PRPF4: variants seen among roughly 807,000 people sequenced by gnomAD.
PRPF4 encodes U4/U6 small nuclear ribonucleoprotein Prp4.
PRPF4 carries 14 observed loss-of-function variants against 72.2 expected under a neutral mutation model. That is an observed-to-expected ratio of 0.19 (90% CI 0.13 to 0.30). The LOEUF is 0.30. PRPF4 is among the 10% of genes least tolerant of loss of function. The probability of loss-of-function intolerance (pLI) is 1.00; values close to 1 mark genes in which losing one functional copy is unlikely to be tolerated. For synonymous variants in PRPF4, 225 were observed against 232.2 expected, an observed-to-expected ratio of 0.97 and a Z score of 0.28; for missense variants, 478 against 653.9, an observed-to-expected ratio of 0.73 and a Z score of 2.93.
At position 113,291,888 on chromosome 9, in the gene PRPF4, T is replaced by A. The variant is rs80045325; in HGVS notation, c.*228T>A. 1 of 483,392 alleles carries A rather than the reference T, an allele frequency of 2.1e-6. No individual in the cohort carries two copies. Among genetic ancestry groups the A allele is most frequent in the East Asian group, 3.7e-5 (1 of 26,884 alleles). 29.9% of individuals were successfully genotyped at this position (483,392 alleles called of 1,614,324 possible). ...GAAAATTTATTACCTTTTTACGCCC[T>A]GCCACGAACTGTGTAGACATTGTTT... On this transcript the variant is annotated 3_prime_UTR_variant, in exon 14 of 14. Coordinates refer to ENST00000374198, the MANE Select transcript of PRPF4 (RefSeq NM_001244926.2).
chr9:113,283,096 C>T (rs773645094), intron 4 of PRPF4, 36 bp from the exon 5 acceptor site: 55 of 1,613,836 alleles, frequency 3.4e-5, no homozygotes, highest in Middle Eastern at 1.6e-4. Flanking sequence ...TAGAATGCTT[C>T]AGATTTGACC....
At chr9:113,285,430 G>C (rs769809746) in intron 7 of PRPF4, among the ~76,000 whole-genome samples, 2 of 129,486 alleles carry the variant, frequency 1.5e-5, no homozygotes, top group Non-Finnish European at 3.1e-5. Context: ...CCAGGCTGGA[G>C]TGCAGTGGCG....
At chr9:113,289,845 T>C (rs1299907874) in intron 10 of PRPF4, among the ~76,000 whole-genome samples, 1 of 152,178 alleles carries the variant, frequency 6.6e-6, no homozygotes, top group Non-Finnish European at 1.5e-5. Context: ...AAATGCTTGA[T>C]GAATGAAAGA....
intron 4 of PRPF4, 50 bp downstream of exon 4, chr9:113,282,783 A>C (rs750790507): frequency 1.1e-5 from 16 of 1,414,076 alleles, no homozygotes; most frequent in Non-Finnish European, 1.6e-5. Context: ...AAATGAGGGG[A>C]TAGGTCTCTC....
chr9:113,285,440 G>A (rs990229409), intron 7 of PRPF4, among the ~76,000 whole-genome samples: 1 of 127,622 alleles, frequency 7.8e-6, no homozygotes, highest in Non-Finnish European at 1.6e-5. Flanking sequence ...GTGCAGTGGC[G>A]CGATCTCGGC....
At chr9:113,279,274 C>T in intron 3 of PRPF4, 143 bp downstream of exon 3, 1 of 760,722 alleles carries the variant, frequency 1.3e-6, no homozygotes, top group Non-Finnish European at 2.1e-6. Context: ...TGAGTTAGCC[C>T]ATAATCTGTC....
Position 113,290,954 on chromosome 9 carries a change from A to C in PRPF4, c.1310A>C (p.Gln437Pro). ...ACCTGCAAAGTGTGGGACCTCCGACAGCGGCGTTGCGTCTACACCATCCCT... is the reference window on the plus strand; with the variant it reads ...ACCTGCAAAGTGTGGGACCTCCGACCGCGGCGTTGCGTCTACACCATCCCT... ...DNTCKVWDLR[Q>P]RRCVYTIPAH... Residue 437 changes from glutamine (Q) to proline (P), a missense_variant, in exon 13 of 14, where the codon CAG becomes CCG. Physicochemically the swap from Gln to Pro is moderately conservative, Grantham distance 76. Coordinates refer to ENST00000374198, the MANE Select transcript of PRPF4 (RefSeq NM_001244926.2). 6.2e-7 allele frequency: 1 copy of C among 1,614,190 alleles called. No homozygotes were observed.
chr9:113,275,912 C>T (rs1436589990), intron 1 of PRPF4, 142 bp downstream of exon 1: 4 of 1,116,548 alleles, frequency 3.6e-6, no homozygotes, highest in Middle Eastern at 2.6e-4. Context: ...GTGTCCTACA[C>T]AGCGGACCAC....
chr9:113,286,806 G>A lies in PRPF4; in HGVS notation c.910G>A (p.Val304Met), dbSNP rs1247705511. ...GGCCTCTTGTGCGGCTGATGGCTCT[G>A]TGAAGCTTTGGAGTCTCGACAGGTG... The part of the protein sequence containing the change: ...NLASCAADGS[V>M]KLWSLDSDEP... The change falls in exon 9 of 14, where the codon GTG becomes ATG. Residue 304 changes from valine (V) to methionine (M), a missense_variant. Coordinates refer to ENST00000374198, the MANE Select transcript of PRPF4 (RefSeq NM_001244926.2). 15 of 1,614,206 alleles carry A rather than the reference G, an allele frequency of 9.3e-6. No individual in the cohort carries two copies. Among genetic ancestry groups the A allele is most frequent in the South Asian group, 8.8e-5 (8 of 91,088 alleles).
At chr9:113,280,337 T>C (rs998031915) in intron 3 of PRPF4, among the ~76,000 whole-genome samples, 2 of 152,168 alleles carry the variant, frequency 1.3e-5, no homozygotes, top group Non-Finnish European at 2.9e-5. Context: ...GGTGATCAGC[T>C]CTACTCCCAT....
Position 113,286,666 on chromosome 9 carries a change from G to A in PRPF4, c.809-39G>A, listed in dbSNP as rs764888038. On this transcript the variant is annotated intron_variant, in intron 8 of 13. Transcript: ENST00000374198. ...AGTATATAACATGGGTTATAAAGAG[G>A]CAGGAACCTTTTAACTTGCATCTCT... 1.9e-5 allele frequency: 30 copies of A among 1,613,414 alleles called. No individual in the cohort carries two copies. The Admixed American group carries it at 5.0e-4, about 27-fold the overall frequency.
chr9:113,284,962 T>C (rs1157041127), intron 7 of PRPF4, among the ~76,000 whole-genome samples: 5 of 152,276 alleles, frequency 3.3e-5, no homozygotes, highest in Admixed American at 1.3e-4. Flanking sequence ...GGGACATGGC[T>C]ATCTAATGAG....
At position 113,290,965 on chromosome 9, in the gene PRPF4, G is replaced by A. The variant is rs143050368; in HGVS notation, c.1321G>A (p.Val441Ile). The A allele has an allele frequency of 2.4e-5, 39 of 1,613,984 alleles. No homozygotes were observed. Among genetic ancestry groups the A allele is most frequent in the Middle Eastern group, 1.6e-4 (1 of 6,084 alleles). ...KVWDLRQRRCVYTIPAHQNLV... is the reference protein window; with the variant it reads ...KVWDLRQRRCIYTIPAHQNLV... ...GTGGGACCTCCGACAGCGGCGTTGC[G>A]TCTACACCATCCCTGCTCATCAGAA... Residue 441 changes from valine to isoleucine, a missense_variant, in exon 13 of 14, where the codon GTC becomes ATC. Val to Ile is a conservative substitution (Grantham distance 29). Transcript: ENST00000374198.
At position 113,292,295 on chromosome 9, in the gene PRPF4, C is replaced by G. The variant is rs1428757547; in HGVS notation, c.*635C>G. 1 of 152,268 alleles carries G rather than the reference C, an allele frequency of 6.6e-6. No homozygotes were observed. Among genetic ancestry groups the G allele is most frequent in the Non-Finnish European group, 1.5e-5 (1 of 68,166 alleles). 9.4% of individuals were successfully genotyped at this position (152,268 alleles called of 1,614,324 possible). On this transcript the variant is annotated 3_prime_UTR_variant, in exon 14 of 14. Transcript: ENST00000374198. Reference sequence around the variant, plus strand: ...TGTGACTGACTCTGCATTTTTAATTCTTGAAACTTGGCTTTCCATAACATG... The same window carrying G: ...TGTGACTGACTCTGCATTTTTAATTGTTGAAACTTGGCTTTCCATAACATG...
intron 1 of PRPF4, 102 bp downstream of exon 1, chr9:113,275,872 G>A (rs1279039853): frequency 8.7e-6 from 13 of 1,489,988 alleles, no homozygotes; most frequent in South Asian, 1.2e-5. Flanking sequence ...GGCGGTGGAG[G>A]GCTGAGGAGG....
intron 8 of PRPF4, 21 bp downstream of exon 8, chr9:113,286,311 A>G (rs1832448053): frequency 6.3e-7 from 1 of 1,592,740 alleles, no homozygotes; most frequent in Non-Finnish European, 8.6e-7. Context: ...GTCTTATCCA[A>G]ATCTCGGTCT....
At chr9:113,278,107 T>G (rs1832168467) in intron 2 of PRPF4, among the ~76,000 whole-genome samples, 1 of 152,272 alleles carries the variant, frequency 6.6e-6, no homozygotes, top group South Asian at 2.1e-4. Flanking sequence ...AAGTATGTAA[T>G]TTTTTCCATA....
intron 2 of PRPF4, among the ~76,000 whole-genome samples, chr9:113,277,757 T>C (rs142332159): frequency 0.02 from 3,043 of 152,186 alleles, 98 homozygotes; most frequent in African/African-American, 0.069. Context: ...CCCAGCACTT[T>C]GGGAGGCTGA....
intron 7 of PRPF4, among the ~76,000 whole-genome samples, chr9:113,285,342 A>G (rs1475039677): frequency 1.9e-5 from 2 of 104,792 alleles, no homozygotes; most frequent in East Asian, 5.3e-4. Context: ...TGTCTCTACA[A>G]ATTTTTTTTT....
Sources: allele counts gnomAD v4.1 joint callset (sites outside exome capture counted in the v4.1 genomes callset), GRCh38; gene constraint gnomAD v4.1.1; transcripts MANE v1.5; gene names NCBI Gene and HGNC (gene_info 2026-07-23, HGNC 2026-07-21).